Variants in MRPS9 observed in about 807,000 individuals in gnomAD.
MRPS9 encodes mitochondrial ribosomal protein S9.
In MRPS9, 45 loss-of-function variants were observed where a neutral mutation model predicts 59.9. The ratio of observed to expected loss-of-function variants is 0.75; its 90% CI spans 0.59 to 0.96. The LOEUF (loss-of-function observed/expected upper bound fraction) is 0.96. Among genes scored for constraint, MRPS9 ranks in the 40% least tolerant of loss-of-function variants. The probability of loss-of-function intolerance (pLI) is 0.00; values close to 1 mark genes in which losing one functional copy is unlikely to be tolerated. For missense variants in MRPS9, 473 were observed against 481.1 expected, an observed-to-expected ratio of 0.98 and a Z score of 0.16; for synonymous variants, 171 against 166.8, an observed-to-expected ratio of 1.03 and a Z score of -0.19.
intron 1 of MRPS9, 100 bp from the exon 2 acceptor site, chr2:105,049,071 A>G: frequency 1.2e-6 from 1 of 819,316 alleles, no homozygotes; most frequent in Non-Finnish European, 1.9e-6. Flanking sequence ...CGTAATAAAA[A>G]AAGATAACTA....
intron 5 of MRPS9, among the ~76,000 whole-genome samples, chr2:105,082,061 G>A (rs866701044): frequency 5.9e-5 from 9 of 152,120 alleles, no homozygotes; most frequent in African/African-American, 1.4e-4. Context: ...GAGCCATCTC[G>A]CCTGTCTGCA....
At chr2:105,078,104 C>T (rs1573439078) in intron 4 of MRPS9, among the ~76,000 whole-genome samples, 1 of 149,662 alleles carries the variant, frequency 6.7e-6, no homozygotes, top group Non-Finnish European at 1.5e-5. Context: ...AAAGTCCTGG[C>T]AGCACGTGTT....
At chr2:105,044,198 G>T (rs2104438023) in intron 1 of MRPS9, among the ~76,000 whole-genome samples, 2 of 152,296 alleles carry the variant, frequency 1.3e-5, no homozygotes, top group Middle Eastern at 3.4e-3. Context: ...CTCCCAAAGT[G>T]CTGGGATTAC....
intron 1 of MRPS9, among the ~76,000 whole-genome samples, chr2:105,043,769 G>T (rs1422564388): frequency 2.6e-5 from 4 of 151,452 alleles, no homozygotes; most frequent in African/African-American, 9.7e-5. Flanking sequence ...CAAGTAGCTG[G>T]GATTACAGGT....
chr2:105,038,074 T>A lies in MRPS9; in HGVS notation c.-19T>A, dbSNP rs776435148. ...CCCCGCCCCCTCACCCCTCCGGTCC[T>A]GGAGCTCCCACAGCTAACATGGCGG... On this transcript the variant is annotated 5_prime_UTR_variant, in exon 1 of 11. Transcript: ENST00000258455. 1.9e-6 allele frequency: 3 copies of A among 1,612,572 alleles called. No individual in the cohort carries two copies.
intron 1 of MRPS9, among the ~76,000 whole-genome samples, chr2:105,044,509 G>A: frequency 6.6e-6 from 1 of 152,152 alleles, no homozygotes; most frequent in East Asian, 1.9e-4. Flanking sequence ...CTTAAGCAAT[G>A]TGTAGAAATG....
Position 105,092,495 on chromosome 2 carries a change from C to G in MRPS9, c.746C>G (p.Thr249Ser). The change falls in exon 8 of 11, where the codon ACT (threonine) becomes AGT (serine). Residue 249 changes from threonine (T) to serine (S), a missense_variant. Coordinates refer to ENST00000258455, the MANE Select transcript of MRPS9 (RefSeq NM_182640.3). ...EFVQRFRRSV[T>S]LESKKQLIEP... is the part of the protein sequence containing the mutation. ...GTGCAGAGGTTTCGAAGAAGTGTAACTCTTGAATCAAAAAAACAGCTGATT... is the reference window on the plus strand; with the variant it reads ...GTGCAGAGGTTTCGAAGAAGTGTAAGTCTTGAATCAAAAAAACAGCTGATT... 1.2e-6 allele frequency: 2 copies of G among 1,613,854 alleles called. No individual in the cohort carries two copies. The highest frequency in any genetic ancestry group is 1.7e-6 in the Non-Finnish European group (2 of 1,179,920).
chr2:105,070,821 A>C (rs1680098855), intron 2 of MRPS9, among the ~76,000 whole-genome samples: 1 of 152,196 alleles, frequency 6.6e-6, no homozygotes, highest in African/African-American at 2.4e-5. Context: ...CCTATTGAAA[A>C]ACAGACATGG....
chr2:105,053,541 A>C (rs1326645912), intron 2 of MRPS9, among the ~76,000 whole-genome samples: 1 of 152,200 alleles, frequency 6.6e-6, no homozygotes, highest in Non-Finnish European at 1.5e-5. Context: ...AATATCTTTT[A>C]AAGTATTTAC....
intron 5 of MRPS9, among the ~76,000 whole-genome samples, chr2:105,084,171 A>G (rs1314731572): frequency 6.6e-6 from 1 of 151,844 alleles, no homozygotes; most frequent in Non-Finnish European, 1.5e-5. Flanking sequence ...CCAGTTTTAC[A>G]GTAAACAATT....
chr2:105,056,213 A>G (rs1385443661), intron 2 of MRPS9, among the ~76,000 whole-genome samples: 1 of 150,252 alleles, frequency 6.7e-6, no homozygotes, highest in African/African-American at 2.4e-5. Context: ...TTTTTTAACA[A>G]TACTAAGGCT....
intron 1 of MRPS9, among the ~76,000 whole-genome samples, chr2:105,048,628 T>C (rs540038108): frequency 1.3e-5 from 2 of 152,150 alleles, no homozygotes; most frequent in Non-Finnish European, 2.9e-5. Flanking sequence ...ATCACTTTAA[T>C]ATAAGGACCA....
At chr2:105,038,351 G>A in intron 1 of MRPS9, 124 bp downstream of exon 1, 1 of 1,307,804 alleles carries the variant, frequency 7.6e-7, no homozygotes, top group Non-Finnish European at 1.0e-6. Context: ...TAGGTATTTA[G>A]TGGAGGTCTG....
rs780387128 is a variant in MRPS9, at chr2:105,089,972, G to A, written c.628G>A (p.Val210Met). 6.2e-7 allele frequency: 1 copy of A among 1,608,872 alleles called. No individual in the cohort carries two copies. The highest frequency in any genetic ancestry group is 1.3e-5 in the African/African-American group (1 of 74,878). Residue 210 changes from valine to methionine, a missense_variant, in exon 7 of 11, where the codon GTG (valine) becomes ATG (methionine). Val to Met is a conservative substitution (Grantham distance 21). Transcript: ENST00000258455. ...TAAGGAGGAACTAGAAGAAATGTTA[G>A]TGGAAAAACTGTCAGATCTAGATGT... is the stretch of plus-strand genomic sequence containing the variant. Reference protein sequence around the residue: ...LIKEELEEMLVEKLSDLDYMQ... With the variant: ...LIKEELEEMLMEKLSDLDYMQ...
chr2:105,085,185 A>G (rs897967371), intron 5 of MRPS9, among the ~76,000 whole-genome samples: 1 of 152,214 alleles, frequency 6.6e-6, no homozygotes, highest in Non-Finnish European at 1.5e-5. Context: ...GCAAGAGTCT[A>G]TAACAGAAGT....
At chr2:105,044,117 G>C (rs1454608336) in intron 1 of MRPS9, among the ~76,000 whole-genome samples, 1 of 151,890 alleles carries the variant, frequency 6.6e-6, no homozygotes, top group Non-Finnish European at 1.5e-5. Context: ...TGTATTTTTA[G>C]TAGAGATGGG....
At chr2:105,056,895 TAA>T (rs1399142147) in intron 2 of MRPS9, among the ~76,000 whole-genome samples, 1 of 152,180 alleles carries the variant, frequency 6.6e-6, no homozygotes, top group Non-Finnish European at 1.5e-5. Context: ...GTACTTATTT[TAA>T]AGTTTTATCA....
At chr2:105,094,958 T>G (rs1263765823) in intron 9 of MRPS9, among the ~76,000 whole-genome samples, 1 of 152,238 alleles carries the variant, frequency 6.6e-6, no homozygotes, top group Non-Finnish European at 1.5e-5. Flanking sequence ...TAAGGACATC[T>G]ATGTCTCCAG....
intron 2 of MRPS9, among the ~76,000 whole-genome samples, chr2:105,059,285 T>C (rs778564890): frequency 5.3e-5 from 8 of 152,136 alleles, no homozygotes; most frequent in Non-Finnish European, 1.2e-4. Context: ...TTCTTCTGAG[T>C]GAATTTAAAA....
Sources: gnomAD v4.1 joint callset for allele counts (sites outside exome capture counted in the v4.1 genomes callset) on GRCh38, gnomAD v4.1.1 for gene constraint, MANE v1.5 for transcripts, NCBI Gene and HGNC (gene_info 2026-07-23, HGNC 2026-07-21) for gene names.